Variants in FMNL3 observed in about 807,000 individuals in gnomAD.
FMNL3 encodes formin like 3, also known as formin-like protein 3.
FMNL3 carries 57 observed loss-of-function variants against 119.6 expected under a neutral mutation model. The observed-to-expected ratio is 0.48, with a 90% confidence interval of 0.39 to 0.59. The LOEUF is 0.59. FMNL3 is among the 20% of genes least tolerant of loss of function. The pLI, the probability that FMNL3 is intolerant of heterozygous loss-of-function variation, is 0.00. For missense variants in FMNL3, 1,053 were observed against 1,323.5 expected (o/e 0.80, Z 3.17); for synonymous variants, 491 against 507.3 (o/e 0.97, Z 0.43).
chr12:49,671,227 C>T (rs1409771863), intron 1 of FMNL3, among the ~76,000 whole-genome samples: 1 of 152,342 alleles, frequency 6.6e-6, no homozygotes, highest in East Asian at 1.9e-4. Flanking sequence ...GCAAAGTCAC[C>T]CCCTTGGGGA....
Position 49,637,677 on chromosome 12 carries a change from C to G in FMNL3, c.*8138G>C. The G allele has an allele frequency of 1.3e-6, 2 of 1,508,882 alleles. No homozygotes were observed. The highest frequency in any genetic ancestry group is 1.2e-5 in the South Asian group (1 of 85,948). The allele number at this position is 1,508,882 out of a possible 1,614,324, so 93.5% of individuals were successfully genotyped here. ...CTACCGGCTCCTGTCCTCGGCCCAG[C>G]CCCCAGGCCTTGGGAAGCTGCCGCC... is the stretch of plus-strand genomic sequence containing the variant. On this transcript the variant is annotated 3_prime_UTR_variant, in exon 26 of 26. Transcript: ENST00000335154.
Position 49,645,860 on chromosome 12 carries a change from A to C in FMNL3, c.3039T>G (p.Ser1013Arg). 2 of 1,609,834 alleles carry C rather than the reference A, an allele frequency of 1.2e-6. No homozygotes were observed. The highest frequency in any genetic ancestry group is 1.7e-6 in the Non-Finnish European group (2 of 1,178,438). ...GAGGGGGACCACTGGGCGGTGCAGC[A>C]CTCCTGGCTTGGTGGCGAACAACCA... ...QPMVVRHQAR[S>R]AAPPSGPPRA... The change falls in exon 26 of 26, where the codon AGT (serine) becomes AGG (arginine). Residue 1013 changes from serine to arginine, a missense_variant. By Grantham distance (110) the Ser-to-Arg change is moderately radical. Around this residue, in one of 4 missense-constraint regions of FMNL3, gnomAD observed 324 missense variants for 380.9 expected, o/e 0.85. Coordinates refer to ENST00000335154, the MANE Select transcript of FMNL3 (RefSeq NM_175736.5).
chr12:49,654,905 C>T lies in FMNL3; in HGVS notation c.960+5G>A. 1 of 1,613,968 alleles carries T rather than the reference C, an allele frequency of 6.2e-7. No homozygotes were observed. The highest frequency in any genetic ancestry group is 2.2e-5 in the East Asian group (1 of 44,882). On this transcript the variant is annotated splice_donor_5th_base_variant and intron_variant, in intron 10 of 25. Coordinates refer to ENST00000335154, the MANE Select transcript of FMNL3 (RefSeq NM_175736.5). The stretch of plus-strand genomic sequence containing the variant: ...TATGTGCTGGACCCAGGCCCAGTTC[C>T]TCACCATGAAGTCAATATTGCTGTC...
chr12:49,660,061 G>A (rs1943688434), intron 5 of FMNL3: 1 of 607,888 alleles, frequency 1.6e-6, no homozygotes. Flanking sequence ...GGGCTCTCAA[G>A]TAGACATCAG....
At position 49,640,799 on chromosome 12, in the gene FMNL3, G is replaced by A. The variant is rs1040720217; in HGVS notation, c.*5016C>T. On this transcript the variant is annotated 3_prime_UTR_variant, in exon 26 of 26. Coordinates refer to ENST00000335154, the MANE Select transcript of FMNL3 (RefSeq NM_175736.5). Reference sequence around the variant, plus strand: ...TTTGAAACAATGGAAAAGAGCAGAGGTAGTTAGCTTGATGAAGGGGAGAGC... The same window carrying A: ...TTTGAAACAATGGAAAAGAGCAGAGATAGTTAGCTTGATGAAGGGGAGAGC... The A allele has an allele frequency of 6.6e-6, 1 of 152,246 alleles. No homozygotes were observed. Among genetic ancestry groups the A allele is most frequent in the African/African-American group, 2.4e-5 (1 of 41,448 alleles). The allele number at this position is 152,246 out of a possible 1,614,324, so 9.4% of individuals were successfully genotyped here. A position where few individuals can be genotyped will look rare whatever the true frequency, so the allele number is the denominator to read the frequency against.
intron 5 of FMNL3, chr12:49,659,687 T>C: frequency 1.2e-6 from 1 of 841,798 alleles, no homozygotes; most frequent in Non-Finnish European, 1.4e-6. Context: ...GCTCTGGGAT[T>C]ACATGTGTGA....
intron 5 of FMNL3, among the ~76,000 whole-genome samples, chr12:49,658,900 C>T (rs1488357688): frequency 6.6e-6 from 1 of 152,214 alleles, no homozygotes; most frequent in Non-Finnish European, 1.5e-5. Flanking sequence ...GGAGTGTCCT[C>T]CCCATGGGCC....
chr12:49,645,686 C>T lies in FMNL3; in HGVS notation c.*129G>A. 1.3e-6 allele frequency: 1 copy of T among 743,356 alleles called. No homozygotes were observed. Among genetic ancestry groups the T allele is most frequent in the Non-Finnish European group, 2.1e-6 (1 of 474,484 alleles). The allele number at this position is 743,356 out of a possible 1,614,324, so 46.0% of individuals were successfully genotyped here. A position where few individuals can be genotyped will look rare whatever the true frequency, so the allele number is the denominator to read the frequency against. On this transcript the variant is annotated 3_prime_UTR_variant, in exon 26 of 26. Coordinates refer to ENST00000335154, the MANE Select transcript of FMNL3 (RefSeq NM_175736.5). ...AGTGGCACAAGTAGAAAGATCCAGC[C>T]TCAAGAGCTGGGGCGGACATGGTTG...
chr12:49,687,747 T>C (rs1294348360), intron 1 of FMNL3, among the ~76,000 whole-genome samples: 1 of 152,178 alleles, frequency 6.6e-6, no homozygotes, highest in East Asian at 1.9e-4. Flanking sequence ...CGAGTGATCA[T>C]GCAAAGATTT....
At chr12:49,677,124 G>A (rs1375909993) in intron 1 of FMNL3, among the ~76,000 whole-genome samples, 1 of 152,128 alleles carries the variant, frequency 6.6e-6, no homozygotes, top group East Asian at 1.9e-4. Flanking sequence ...ATTCACAACA[G>A]GTGAAATCTA....
intron 1 of FMNL3, among the ~76,000 whole-genome samples, chr12:49,691,055 A>C (rs995033340): frequency 1.5e-4 from 23 of 152,302 alleles, no homozygotes; most frequent in Admixed American, 1.2e-3. Flanking sequence ...GCAACAACAA[A>C]AAAAACTGGG....
chr12:49,702,720 T>C (rs781253237), intron 1 of FMNL3, among the ~76,000 whole-genome samples: 1 of 151,940 alleles, frequency 6.6e-6, no homozygotes, highest in Non-Finnish European at 1.5e-5. Flanking sequence ...TGGTCTAGGG[T>C]CTTCTCTGTG....
intron 16 of FMNL3, 121 bp downstream of exon 16, chr12:49,651,047 G>A: frequency 6.7e-7 from 1 of 1,484,144 alleles, no homozygotes; most frequent in South Asian, 1.2e-5. Flanking sequence ...AGAATGAAGG[G>A]TTGGTGGAGC....
At chr12:49,681,723 ATT>A (rs59364876) in intron 1 of FMNL3, among the ~76,000 whole-genome samples, 6 of 143,144 alleles carry the variant, frequency 4.2e-5, no homozygotes, top group Admixed American at 1.4e-4. Flanking sequence ...CGCTTGGCTA[ATT>A]TTTTTTTTTT....
chr12:49,662,132 C>T (rs886310402), intron 4 of FMNL3, 83 bp from the exon 5 acceptor site: 1 of 1,245,570 alleles, frequency 8.0e-7, no homozygotes, highest in African/African-American at 1.5e-5. Context: ...TGACCCAACA[C>T]CTCCTCCTCC....
At position 49,649,739 on chromosome 12, in the gene FMNL3, G is replaced by A. The variant is rs779258568; in HGVS notation, c.2187C>T (p.Gly729=). 6.2e-6 allele frequency: 10 copies of A among 1,614,098 alleles called. No individual in the cohort carries two copies. In the East Asian group the frequency reaches 2.0e-4, roughly 32 times the overall value. Residue 729 remains glycine, a synonymous_variant, in exon 18 of 26, where the codon GGC becomes GGT. Transcript: ENST00000335154. The surrounding 1 kb of genome is among the most constrained non-coding windows in gnomAD (Gnocchi z 5.6). ...KVERLTQRMA[G]MAFLGNFQDN... is the part of the protein sequence containing the mutation. ...CCTGGAAGTTCCCCAGGAAGGCCAT[G>A]CCAGCCATTCGCTGGGTCAACCGTT...
Position 49,689,411 on chromosome 12 carries a change from T to C in FMNL3, c.126+17644A>G, listed in dbSNP as rs1360589670. 2.6e-5 allele frequency among the ~76,000 whole-genome samples: 4 copies of C among 152,208 alleles called. No homozygotes were observed. The East Asian group carries it at 7.7e-4, about 29-fold the overall frequency. On this transcript the variant is annotated intron_variant, in intron 1 of 25. Transcript: ENST00000335154. ...TATTCTCTATTCCCTGTTGAAACCC[T>C]GGGCAGGAAAGTCCCTTTTCTAACA... is the stretch of plus-strand genomic sequence containing the variant.
chr12:49,663,385 C>T (rs761320145), intron 4 of FMNL3, among the ~76,000 whole-genome samples: 1 of 152,222 alleles, frequency 6.6e-6, no homozygotes, highest in Non-Finnish European at 1.5e-5. Flanking sequence ...ATCTGCTGCT[C>T]CTGCACACCC....
rs370599017 is a variant in FMNL3, at chr12:49,665,870, T to A, written c.330A>T (p.Leu110=). ...TGCGAAGAGAGATCTCCAGCTCCCT[T>A]AGTACTTTGGTTGACTCCTGCACCC... ...RRRVQESTKV[L]RELEISLRTN... is the part of the protein sequence containing the mutation. The change falls in exon 4 of 26, where the codon CTA becomes CTT. Residue 110 remains leucine (L), a synonymous_variant. Transcript: ENST00000335154. The A allele has an allele frequency of 1.3e-4, 209 of 1,614,064 alleles. No individual in the cohort carries two copies. Among genetic ancestry groups the A allele is most frequent in the Non-Finnish European group, 1.7e-4 (203 of 1,180,046 alleles).
Sources: allele counts gnomAD v4.1 joint callset (sites outside exome capture counted in the v4.1 genomes callset), GRCh38; gene constraint gnomAD v4.1.1; regional missense constraint gnomAD v4.1.1; non-coding constraint Gnocchi (gnomAD v3.1); transcripts MANE v1.5; gene names NCBI Gene and HGNC (gene_info 2026-07-23, HGNC 2026-07-21).